Variants in FUT8 observed in about 807,000 individuals in gnomAD.
The protein encoded by FUT8 is fucosyltransferase 8.
Under a neutral mutation model 71.3 loss-of-function variants are expected in FUT8, and 29 were observed. The ratio of observed to expected loss-of-function variants is 0.41; its 90% CI spans 0.30 to 0.55. The LOEUF is 0.55. Ranked by LOEUF, FUT8 falls within the 20% of genes least tolerant of loss-of-function variation. The probability of loss-of-function intolerance (pLI) is 0.34; values close to 1 mark genes in which losing one functional copy is unlikely to be tolerated. For missense variants in FUT8, 544 were observed against 702.1 expected (o/e 0.77, Z 2.55); for synonymous variants, 254 against 239.3 (o/e 1.06, Z -0.57).
At chr14:65,411,408 AC>A (rs1360102078), upstream of FUT8, 1 of 152,772 alleles carries the variant, frequency 6.5e-6, no homozygotes, top group East Asian at 1.9e-4. Flanking sequence ...AGCCTCCCTC[AC>A]AACCTGAGCT....
the FUT8 span, among the ~76,000 whole-genome samples, chr14:65,381,704 T>C: frequency 3.3e-5 from 5 of 152,218 alleles, no homozygotes; most frequent in Admixed American, 2.0e-4. Flanking sequence ...GGCTGACTAC[T>C]ACACTGATAA....
intron 6 of FUT8, among the ~76,000 whole-genome samples, chr14:65,644,910 C>G (rs1891051622): frequency 6.6e-6 from 1 of 152,030 alleles, no homozygotes; most frequent in Non-Finnish European, 1.5e-5. Flanking sequence ...GCTTTCTTGC[C>G]CTTAGGGACA....
At position 65,529,900 on chromosome 14, in the gene FUT8, A is replaced by G. The variant is rs933603627; in HGVS notation, c.-227-31437A>G. Reference sequence around the variant, plus strand: ...TCTCTGTTGGATGTCCCAAGGATTCATTGAGGACTCTGTCTTGCCTGTGAG... The same window carrying G: ...TCTCTGTTGGATGTCCCAAGGATTCGTTGAGGACTCTGTCTTGCCTGTGAG... On this transcript the variant is annotated intron_variant, in intron 2 of 10. Transcript: ENST00000673929. Among the ~76,000 whole-genome samples, 4 of 152,096 alleles carry G rather than the reference A, an allele frequency of 2.6e-5. No homozygotes were observed. The South Asian group carries it at 8.3e-4, about 32-fold the overall frequency.
intron 3 of FUT8, among the ~76,000 whole-genome samples, chr14:65,583,560 G>C (rs543044606): frequency 6.6e-6 from 1 of 151,770 alleles, no homozygotes; most frequent in East Asian, 1.9e-4. Flanking sequence ...CCAACAGGAA[G>C]ATCTGGTAAA....
intron 7 of FUT8, among the ~76,000 whole-genome samples, chr14:65,719,720 C>T (rs769141583): frequency 6.6e-6 from 1 of 152,210 alleles, no homozygotes; most frequent in Non-Finnish European, 1.5e-5. Context: ...AGAGGTACTA[C>T]CTTTGTGGTC....
chr14:65,659,445 C>A (rs1388340514), intron 6 of FUT8, among the ~76,000 whole-genome samples: 2 of 152,076 alleles, frequency 1.3e-5, no homozygotes, highest in Non-Finnish European at 2.9e-5. Flanking sequence ...AATGGAAAAA[C>A]CAGCAAAACT....
chr14:65,493,523 G>A (rs540226962), intron 2 of FUT8, among the ~76,000 whole-genome samples: 52 of 152,190 alleles, frequency 3.4e-4, no homozygotes, highest in Non-Finnish European at 5.9e-4. Context: ...ATAATTCTTA[G>A]CACTGAAGTC....
chr14:65,415,019 C>G (rs1413197851), intron 1 of FUT8, among the ~76,000 whole-genome samples: 1 of 152,180 alleles, frequency 6.6e-6, no homozygotes, highest in African/African-American at 2.4e-5. Flanking sequence ...AAAACTAATT[C>G]TGATTACATC....
intron 3 of FUT8, among the ~76,000 whole-genome samples, chr14:65,570,915 A>G (rs1449942393): frequency 1.3e-5 from 2 of 152,090 alleles, no homozygotes; most frequent in South Asian, 2.1e-4. Flanking sequence ...TATTTCAACC[A>G]TTCACACACT....
At chr14:65,435,753 C>T (rs1271573298) in intron 1 of FUT8, among the ~76,000 whole-genome samples, 1 of 150,386 alleles carries the variant, frequency 6.6e-6, no homozygotes, top group Non-Finnish European at 1.5e-5. Flanking sequence ...AGTTGCTCTA[C>T]ATCCTTACTA....
chr14:65,557,525 GT>G (rs1202908737), intron 2 of FUT8, among the ~76,000 whole-genome samples: 4 of 151,524 alleles, frequency 2.6e-5, no homozygotes, highest in African/African-American at 9.7e-5. Flanking sequence ...AGAGGCGGGG[GT>G]TTCACCATCT....
chr14:65,588,633 T>C (rs1887517939), intron 3 of FUT8, among the ~76,000 whole-genome samples: 1 of 152,158 alleles, frequency 6.6e-6, no homozygotes, highest in African/African-American at 2.4e-5. Context: ...AGAGATCATA[T>C]TACTGTGGTC....
chr14:65,580,248 A>G (rs1003362796), intron 3 of FUT8, among the ~76,000 whole-genome samples: 1 of 151,394 alleles, frequency 6.6e-6, no homozygotes, highest in Non-Finnish European at 1.5e-5. Flanking sequence ...TATTGCTCCT[A>G]GGCTACAAAC....
intron 1 of FUT8, among the ~76,000 whole-genome samples, chr14:65,446,748 G>C (rs148803407): frequency 4.6e-4 from 59 of 129,538 alleles, no homozygotes; most frequent in African/African-American, 1.7e-3. Flanking sequence ...AGCTCAAATT[G>C]TTGTTACATC....
chr14:65,559,016 G>C (rs550790032), intron 2 of FUT8, among the ~76,000 whole-genome samples: 99 of 152,182 alleles, frequency 6.5e-4, no homozygotes, highest in Non-Finnish European at 1.2e-3. Context: ...AAAATGGAAA[G>C]TATTTTTTGT....
At chr14:65,710,603 A>G (rs1000017467) in intron 7 of FUT8, among the ~76,000 whole-genome samples, 7 of 151,298 alleles carry the variant, frequency 4.6e-5, no homozygotes, top group African/African-American at 1.7e-4. Flanking sequence ...TTTTTAATCT[A>G]TTTTTCTTTC....
chr14:65,429,520 T>C (rs1296640447), intron 1 of FUT8, among the ~76,000 whole-genome samples: 1 of 152,216 alleles, frequency 6.6e-6, no homozygotes, highest in Non-Finnish European at 1.5e-5. Flanking sequence ...AAAACTATGT[T>C]TATTTTATGA....
At chr14:65,416,910 A>T (rs1027965273) in intron 1 of FUT8, among the ~76,000 whole-genome samples, 3 of 150,830 alleles carry the variant, frequency 2.0e-5, no homozygotes, top group Non-Finnish European at 4.4e-5. Context: ...TAGCCTCTGG[A>T]GTATCTGGGA....
chr14:65,427,312 A>G (rs1433409885), intron 1 of FUT8, among the ~76,000 whole-genome samples: 1 of 152,178 alleles, frequency 6.6e-6, no homozygotes, highest in African/African-American at 2.4e-5. Context: ...TATACCCATA[A>G]GTGGAATTGG....
Sources: gnomAD v4.1 joint callset for allele counts (sites outside exome capture counted in the v4.1 genomes callset) on GRCh38, gnomAD v4.1.1 for gene constraint, MANE v1.5 for transcripts, NCBI Gene and HGNC (gene_info 2026-07-23, HGNC 2026-07-21) for gene names.